The following CNTN5 variants were observed in gnomAD, a reference collection of about 807,000 sequenced individuals.
The protein encoded by CNTN5 is contactin-5.
Under a neutral mutation model 129.1 loss-of-function variants are expected in CNTN5, and 77 were observed. The ratio of observed to expected loss-of-function variants is 0.60; its 90% CI spans 0.50 to 0.72. CNTN5 has a LOEUF of 0.72. Among genes scored for constraint, CNTN5 ranks in the 30% least tolerant of loss-of-function variants. The pLI is 0.00. For missense variants in CNTN5, 1,478 were observed against 1,328.8 expected (o/e 1.11, Z -1.75); for synonymous variants, 509 against 465.6 (o/e 1.09, Z -1.20).
At chr11:99,423,873 G>A (rs979498193) in intron 2 of CNTN5, among the ~76,000 whole-genome samples, 2 of 152,150 alleles carry the variant, frequency 1.3e-5, no homozygotes, top group African/African-American at 2.4e-5. Flanking sequence ...GTGGGGGAGC[G>A]GTGGTGTATG....
intron 2 of CNTN5, among the ~76,000 whole-genome samples, chr11:99,526,403 T>G (rs2135454866): frequency 6.6e-6 from 1 of 152,326 alleles, no homozygotes; most frequent in South Asian, 2.1e-4. Flanking sequence ...GAAATCATGC[T>G]TTTTACTGAA....
At chr11:99,728,327 A>G (rs1943421255) in intron 3 of CNTN5, among the ~76,000 whole-genome samples, 1 of 152,132 alleles carries the variant, frequency 6.6e-6, no homozygotes, top group African/African-American at 2.4e-5. Flanking sequence ...TGATATTAGA[A>G]CTCAAACCAT....
chr11:99,667,970 G>C (rs1952867347), intron 3 of CNTN5, among the ~76,000 whole-genome samples: 1 of 151,864 alleles, frequency 6.6e-6, no homozygotes, highest in South Asian at 2.1e-4. Context: ...AAAAATCCTG[G>C]CTTTGGAAGT....
At chr11:99,822,721 G>T (rs1343255699) in intron 4 of CNTN5, among the ~76,000 whole-genome samples, 3 of 152,148 alleles carry the variant, frequency 2.0e-5, no homozygotes, top group Non-Finnish European at 4.4e-5. Flanking sequence ...TATAACTCCT[G>T]TAGTGACTAG....
At chr11:99,828,117 T>C (rs1276678021) in intron 4 of CNTN5, among the ~76,000 whole-genome samples, 1 of 152,064 alleles carries the variant, frequency 6.6e-6, no homozygotes. Flanking sequence ...TAGAATAAAA[T>C]AATAATAGTT....
intron 13 of CNTN5, among the ~76,000 whole-genome samples, chr11:100,135,808 A>G (rs988649376): frequency 6.6e-5 from 10 of 152,004 alleles, no homozygotes; most frequent in Non-Finnish European, 1.5e-5. Context: ...TAATTCTTTC[A>G]TCTTTCATTC....
At chr11:99,323,859 GA>G (rs1303513751) in intron 1 of CNTN5, among the ~76,000 whole-genome samples, 2 of 151,924 alleles carry the variant, frequency 1.3e-5, no homozygotes, top group Non-Finnish European at 2.9e-5. Context: ...ATTAAGAAAA[GA>G]ATGAAGGGAG....
chr11:100,253,638 C>T (rs1035815678), intron 16 of CNTN5, among the ~76,000 whole-genome samples: 1 of 152,018 alleles, frequency 6.6e-6, no homozygotes, highest in African/African-American at 2.4e-5. Context: ...GTAGATGCTC[C>T]TCTACATTCC....
intron 2 of CNTN5, among the ~76,000 whole-genome samples, chr11:99,333,503 G>A (rs1486788793): frequency 2.0e-5 from 3 of 151,770 alleles, no homozygotes; most frequent in African/African-American, 7.3e-5. Context: ...TCCTACTATC[G>A]CTATGCTTCC....
At chr11:99,723,256 G>A (rs1190261258) in intron 3 of CNTN5, among the ~76,000 whole-genome samples, 1 of 151,860 alleles carries the variant, frequency 6.6e-6, no homozygotes, top group Non-Finnish European at 1.5e-5. Context: ...AGCCAAACTT[G>A]TATTTCTTCC....
intron 6 of CNTN5, among the ~76,000 whole-genome samples, chr11:99,868,339 G>A (rs2135799540): frequency 6.6e-6 from 1 of 152,192 alleles, no homozygotes; most frequent in African/African-American, 2.4e-5. Context: ...AACATTTGTT[G>A]AAAATTTGTT....
chr11:99,373,570 G>A (rs1013235792), intron 2 of CNTN5, among the ~76,000 whole-genome samples: 7 of 151,912 alleles, frequency 4.6e-5, no homozygotes, highest in African/African-American at 1.5e-4. Context: ...AAAATTAGCT[G>A]GGCGTGGTGA....
At chr11:99,122,508 A>G (rs1297213429) in intron 1 of CNTN5, among the ~76,000 whole-genome samples, 2 of 152,048 alleles carry the variant, frequency 1.3e-5, no homozygotes, top group African/African-American at 2.4e-5. Flanking sequence ...ATGGTTGTAA[A>G]GTTAATTTTT....
At chr11:99,117,512 G>T (rs10790467) in intron 1 of CNTN5, among the ~76,000 whole-genome samples, 1 of 152,108 alleles carries the variant, frequency 6.6e-6, no homozygotes, top group Non-Finnish European at 1.5e-5. Flanking sequence ...TGTGAAATTT[G>T]TCCATGGTGT....
chr11:100,176,599 G>A (rs899805996), intron 13 of CNTN5, among the ~76,000 whole-genome samples: 1 of 152,010 alleles, frequency 6.6e-6, no homozygotes, highest in South Asian at 2.1e-4. Context: ...GATGAGTTCA[G>A]GCAGATATAT....
At chr11:99,401,841 C>T (rs1350909418) in intron 2 of CNTN5, among the ~76,000 whole-genome samples, 2 of 121,042 alleles carry the variant, frequency 1.7e-5, no homozygotes, top group African/African-American at 7.1e-5. Flanking sequence ...TTACTTGTTG[C>T]TACTGTAAAT....
chr11:99,658,901 AAAAAG>A (rs1291307432), intron 3 of CNTN5, among the ~76,000 whole-genome samples: 10 of 149,380 alleles, frequency 6.7e-5, no homozygotes, highest in South Asian at 2.1e-4. Context: ...AAAAAAAAAA[AAAAAG>A]AAAAAGAAAA....
chr11:99,874,492 C>T (rs1948584487), intron 6 of CNTN5, among the ~76,000 whole-genome samples: 1 of 152,094 alleles, frequency 6.6e-6, no homozygotes, highest in African/African-American at 2.4e-5. Context: ...GAGGGAATAT[C>T]TAGTTGTGTT....
chr11:99,732,316 A>G (rs957349253), intron 3 of CNTN5, among the ~76,000 whole-genome samples: 1 of 152,186 alleles, frequency 6.6e-6, no homozygotes, highest in African/African-American at 2.4e-5. Flanking sequence ...AGATTATAGA[A>G]CTGTGTAGTT....
Sources: gnomAD v4.1 joint callset for allele counts (sites outside exome capture counted in the v4.1 genomes callset) on GRCh38, gnomAD v4.1.1 for gene constraint, MANE v1.5 for transcripts, NCBI Gene and HGNC (gene_info 2026-07-23, HGNC 2026-07-21) for gene names.